The following ARHGAP25 variants were observed in gnomAD, a reference collection of about 807,000 sequenced individuals.
The protein encoded by ARHGAP25 is Rho GTPase activating protein 25, also known as rho GTPase-activating protein 25.
ARHGAP25 carries 34 observed loss-of-function variants against 71.0 expected under a neutral mutation model. The ratio of observed to expected loss-of-function variants is 0.48; its 90% CI spans 0.36 to 0.64. The LOEUF is 0.64. Ranked by LOEUF, ARHGAP25 falls within the 30% of genes least tolerant of loss-of-function variation. The pLI, the probability that ARHGAP25 is intolerant of heterozygous loss-of-function variation, is 0.00. For missense variants in ARHGAP25, 706 were observed against 805.1 expected (o/e 0.88, Z 1.49); for synonymous variants, 282 against 296.5 (o/e 0.95, Z 0.50).
rs531621710 is a variant in ARHGAP25, at chr2:68,826,189, G to A, written c.1936G>A (p.Ala646Thr). 2 of 1,614,132 alleles carry A rather than the reference G, an allele frequency of 1.2e-6. No individual in the cohort carries two copies. The highest frequency in any genetic ancestry group is 2.7e-5 in the African/African-American group (2 of 75,026). Residue 646 changes from alanine to threonine, a missense_variant, in exon 11 of 11, where the codon GCT becomes ACT. Coordinates refer to ENST00000409202, the MANE Select transcript of ARHGAP25 (RefSeq NM_001007231.3). ...ATCCATGAAGGAACCCAAGACCGAGGCTTAAGGGTCCCAGGAGTACTGCAG... is the reference window on the plus strand; with the variant it reads ...ATCCATGAAGGAACCCAAGACCGAGACTTAAGGGTCCCAGGAGTACTGCAG... ...VKSMKEPKTE[A>T] is the part of the protein sequence containing the mutation.
At chr2:68,779,568 G>A (rs997351795) in intron 2 of ARHGAP25, among the ~76,000 whole-genome samples, 1 of 152,162 alleles carries the variant, frequency 6.6e-6, no homozygotes, top group African/African-American at 2.4e-5. Flanking sequence ...GGGCTAAAAT[G>A]TAGTTCTAGA....
intron 2 of ARHGAP25, among the ~76,000 whole-genome samples, chr2:68,777,727 A>G (rs1292539875): frequency 6.6e-6 from 1 of 152,220 alleles, no homozygotes; most frequent in Non-Finnish European, 1.5e-5. Context: ...TCAGATATGA[A>G]AAATAGAAAA....
At chr2:68,797,669 C>T (rs1012643978) in intron 4 of ARHGAP25, among the ~76,000 whole-genome samples, 1 of 152,216 alleles carries the variant, frequency 6.6e-6, no homozygotes, top group Non-Finnish European at 1.5e-5. Context: ...CCATGCACAG[C>T]CTGTAAGAGC....
In ARHGAP25 at chr2:68,760,314, T is replaced by G. The variant is rs544687244; in HGVS notation, c.62-14907T>G. Among the ~76,000 whole-genome samples the G allele has an allele frequency of 2.1e-4, 32 of 152,112 alleles. 1 individual carries two copies. The highest frequency in any genetic ancestry group is 5.9e-4 in the Admixed American group (9 of 15,278). ...GTCCACTTTTGCAACTTCGATGCAA[T>G]GTAATACTTGAAGCCCTAGACAGAG... is the stretch of plus-strand genomic sequence containing the variant. On this transcript the variant is annotated intron_variant, in intron 1 of 10. Coordinates refer to ENST00000409202, the MANE Select transcript of ARHGAP25 (RefSeq NM_001007231.3).
chr2:68,738,966 T>A (rs1044062042), intron 1 of ARHGAP25, among the ~76,000 whole-genome samples: 1 of 152,240 alleles, frequency 6.6e-6, no homozygotes, highest in Non-Finnish European at 1.5e-5. Context: ...TGTCTGTCCG[T>A]AATGTTGCTG....
chr2:68,738,469 G>C (rs1675331440), intron 1 of ARHGAP25, among the ~76,000 whole-genome samples: 1 of 152,128 alleles, frequency 6.6e-6, no homozygotes, highest in Admixed American at 6.5e-5. Context: ...ATCAGAAAGT[G>C]GTGAGTGCTT....
intron 4 of ARHGAP25, among the ~76,000 whole-genome samples, chr2:68,789,830 G>A (rs1679038626): frequency 6.6e-6 from 1 of 151,922 alleles, no homozygotes; most frequent in African/African-American, 2.4e-5. Flanking sequence ...ATACACATGG[G>A]GATTTCACCC....
intron 2 of ARHGAP25, among the ~76,000 whole-genome samples, chr2:68,710,890 A>G (rs1674465260): frequency 6.6e-6 from 1 of 152,166 alleles, no homozygotes; most frequent in Admixed American, 6.5e-5. Context: ...AAATGGGCCT[A>G]TGGAAAGTGA....
At chr2:68,793,073 C>G (rs1679302675) in intron 4 of ARHGAP25, among the ~76,000 whole-genome samples, 1 of 152,082 alleles carries the variant, frequency 6.6e-6, no homozygotes, top group Non-Finnish European at 1.5e-5. Context: ...TGTATGTCTT[C>G]TTTCGCAAAT....
chr2:68,732,786 C>T (rs1002565182), upstream of ARHGAP25, among the ~76,000 whole-genome samples: 5 of 152,192 alleles, frequency 3.3e-5, no homozygotes, highest in African/African-American at 4.8e-5. Flanking sequence ...TGCGCAGAGG[C>T]GTTAAATGCG....
At chr2:68,807,149 C>G (rs763787243) in intron 4 of ARHGAP25, 124 bp from the exon 5 acceptor site, 10 of 844,888 alleles carry the variant, frequency 1.2e-5, no homozygotes, top group Non-Finnish European at 1.9e-5. Flanking sequence ...TGATTTATCT[C>G]CCATATTTTG....
At position 68,813,408 on chromosome 2, in the gene ARHGAP25, G is replaced by A. The variant is rs1362641204; in HGVS notation, c.796G>A (p.Asp266Asn). ...GCTCTGTGGGCAGCTCACGAATGCG[G>A]ATGAGGCAAAGGTTTGCATCTTAGA... ...FLLCGQLTNADEAKAQQELMK... is the reference protein window; with the variant it reads ...FLLCGQLTNANEAKAQQELMK... The change falls in exon 6 of 11, where the codon GAT becomes AAT. Residue 266 changes from aspartate to asparagine, a missense_variant. Transcript: ENST00000409202. 9.3e-6 allele frequency: 15 copies of A among 1,612,456 alleles called. No individual in the cohort carries two copies. In the Admixed American group the frequency reaches 2.5e-4, roughly 27 times the overall value.
At chr2:68,746,643 A>ATG (rs1675829186) in intron 1 of ARHGAP25, among the ~76,000 whole-genome samples, 1 of 152,048 alleles carries the variant, frequency 6.6e-6, no homozygotes, top group South Asian at 2.1e-4. Context: ...CCTGACTGTG[A>ATG]AAAATGGAAA....
At chr2:68,807,551 A>G (rs968910820) in intron 5 of ARHGAP25, 71 bp downstream of exon 5, 2 of 1,466,280 alleles carry the variant, frequency 1.4e-6, no homozygotes, top group African/African-American at 1.4e-5. Flanking sequence ...GGGCCTCTCC[A>G]TTCCAGTTGA....
chr2:68,750,568 G>A (rs185070759), intron 1 of ARHGAP25, among the ~76,000 whole-genome samples: 18 of 151,946 alleles, frequency 1.2e-4, no homozygotes, highest in African/African-American at 3.4e-4. Context: ...TGATCCTCCC[G>A]CCTCGGCCTC....
Position 68,822,809 on chromosome 2 carries a change from T to G in ARHGAP25, c.1670T>G (p.Met557Arg). The G allele has an allele frequency of 1.9e-6, 3 of 1,613,964 alleles. No individual in the cohort carries two copies. Among genetic ancestry groups the G allele is most frequent in the Non-Finnish European group, 2.5e-6 (3 of 1,179,982 alleles). ...GAGGAAATTGATTCTTTGCAGAGGA[T>G]GGTCCAAGAGCTACGAAAGGAAATA... ...GEEEIDSLQR[M>R]VQELRKEIET... Residue 557 changes from methionine (M) to arginine (R), a missense_variant, in exon 10 of 11, where the codon ATG (methionine) becomes AGG (arginine). Physicochemically the swap from Met to Arg is moderately conservative, Grantham distance 91. Transcript: ENST00000409202.
chr2:68,781,410 A>G (rs998322534), intron 2 of ARHGAP25, among the ~76,000 whole-genome samples: 1 of 152,208 alleles, frequency 6.6e-6, no homozygotes, highest in East Asian at 1.9e-4. Context: ...CAAAAGAATT[A>G]TCCCAAGTGA....
upstream of ARHGAP25, among the ~76,000 whole-genome samples, chr2:68,734,045 T>G (rs1675096852): frequency 6.6e-6 from 1 of 152,224 alleles, no homozygotes; most frequent in Non-Finnish European, 1.5e-5. Context: ...TAGGTTAGGC[T>G]GACCCAGTTA....
intron 1 of ARHGAP25, among the ~76,000 whole-genome samples, chr2:68,739,577 A>C (rs1675410518): frequency 6.6e-6 from 1 of 152,250 alleles, no homozygotes; most frequent in Non-Finnish European, 1.5e-5. Flanking sequence ...AGAATCTGGC[A>C]TGAAGGTGCA....
Sources: gnomAD v4.1 joint callset for allele counts (sites outside exome capture counted in the v4.1 genomes callset) on GRCh38, gnomAD v4.1.1 for gene constraint, MANE v1.5 for transcripts, NCBI Gene and HGNC (gene_info 2026-07-23, HGNC 2026-07-21) for gene names.